PAX3: variants seen among roughly 807,000 people sequenced by gnomAD.
PAX3 encodes the protein paired box 3.
A neutral mutation model predicts 51.6 loss-of-function variants in PAX3; 14 were observed. That is an observed-to-expected ratio of 0.27 (90% CI 0.18 to 0.42). PAX3 has a LOEUF of 0.42. Among genes scored for constraint, PAX3 ranks in the 10% least tolerant of loss-of-function variants. PAX3 has a pLI of 1.00. For synonymous variants in PAX3, 280 were observed against 253.4 expected, an observed-to-expected ratio of 1.11 and a Z score of -1.00; for missense variants, 540 against 642.8, an observed-to-expected ratio of 0.84 and a Z score of 1.73.
At chr2:222,268,866 T>G (rs1694150436) in intron 4 of PAX3, among the ~76,000 whole-genome samples, 1 of 152,092 alleles carries the variant, frequency 6.6e-6, no homozygotes, top group African/African-American at 2.4e-5. Context: ...TCAGACGTTT[T>G]ACTAGGAACC....
chr2:222,287,661 C>T (rs1165368885), intron 4 of PAX3: 1 of 152,206 alleles, frequency 6.6e-6, no homozygotes, highest in Non-Finnish European at 1.5e-5. Context: ...TCTGAGCTAA[C>T]TGTAACTTCT....
At chr2:222,266,709 T>A (rs953798478) in intron 4 of PAX3, among the ~76,000 whole-genome samples, 6 of 152,226 alleles carry the variant, frequency 3.9e-5, no homozygotes, top group South Asian at 2.1e-4. Context: ...TGAAGGGGAA[T>A]GCCTGTCAGA....
In PAX3 at chr2:222,243,460, A is replaced by G. The variant is rs560593783; in HGVS notation, c.587-11177T>C. On this transcript the variant is annotated intron_variant, in intron 4 of 8. Coordinates refer to ENST00000392070, the MANE Select transcript of PAX3 (RefSeq NM_181458.4). The stretch of plus-strand genomic sequence containing the variant: ...CAAATATGAATAATATATGGAGCCT[A>G]AACTCAAAAAGTAAAACTCTCATTC... 3.3e-5 allele frequency among the ~76,000 whole-genome samples: 5 copies of G among 152,344 alleles called. No individual in the cohort carries two copies. The East Asian group carries it at 9.6e-4, about 29-fold the overall frequency.
chr2:222,293,863 A>G (rs1695140875), intron 4 of PAX3: 19 of 1,611,444 alleles, frequency 1.2e-5, no homozygotes, highest in Non-Finnish European at 1.6e-5. Flanking sequence ...ATGGCAACAG[A>G]GTGAGAGCTT....
chr2:222,239,538 CAG>C (rs537328703), intron 4 of PAX3, among the ~76,000 whole-genome samples: 9 of 151,790 alleles, frequency 5.9e-5, no homozygotes, highest in African/African-American at 2.2e-4. Context: ...GGAAAAAAAA[CAG>C]AGATTTAAAA....
At chr2:222,241,162 A>C (rs973059020) in intron 4 of PAX3, among the ~76,000 whole-genome samples, 16 of 152,206 alleles carry the variant, frequency 1.1e-4, no homozygotes, top group African/African-American at 3.9e-4. Flanking sequence ...CAAGGGGCGC[A>C]GAAAGGTAAT....
intron 5 of PAX3, among the ~76,000 whole-genome samples, chr2:222,228,278 C>G (rs906612004): frequency 2.6e-5 from 4 of 152,168 alleles, no homozygotes; most frequent in African/African-American, 9.6e-5. Context: ...TCAAGAGTCA[C>G]CGGGTTAAAG....
In PAX3 at chr2:222,202,052, T is replaced by G; in HGVS notation, c.1312A>C (p.Ser438Arg). 6.2e-7 allele frequency: 1 copy of G among 1,614,026 alleles called. No homozygotes were observed. The highest frequency in any genetic ancestry group is 2.2e-5 in the East Asian group (1 of 44,846). ...SCSQRLDHMK[S>R]LDSLPTSQSY... ...TGAGATGTTGGCAGACTGTCCAAGC[T>G]CTTCATATGGTCTAGTCTCTGACTG... Residue 438 changes from serine (S) to arginine (R), a missense_variant, in exon 8 of 9, where the codon AGC (serine) becomes CGC (arginine). This residue lies in a region of PAX3 where 427 missense variants were observed against 483.6 expected (regional missense o/e 0.88). Transcript: ENST00000392070.
intron 4 of PAX3, 57 bp from the exon 5 acceptor site, chr2:222,232,340 G>T: frequency 2.0e-6 from 3 of 1,484,246 alleles, no homozygotes; most frequent in Non-Finnish European, 2.8e-6. Context: ...ATAAAACTGA[G>T]ATTGAATCCA....
intron 4 of PAX3, among the ~76,000 whole-genome samples, chr2:222,253,428 T>C (rs1693513638): frequency 6.6e-6 from 1 of 152,182 alleles, no homozygotes. Flanking sequence ...AGAGTATGAC[T>C]TAGCATCCAA....
chr2:222,220,100 G>A lies in PAX3; in HGVS notation c.1173+40C>T, dbSNP rs150637194. 2,360 of 1,536,516 alleles carry A rather than the reference G, an allele frequency of 1.5e-3. 5 individuals carry two copies. Among genetic ancestry groups the A allele is most frequent in the Non-Finnish European group, 1.9e-3 (2,076 of 1,111,618 alleles). On this transcript the variant is annotated intron_variant, in intron 7 of 8. Transcript: ENST00000392070. ...CTCAGGGAATTGAATATTTGGTTCT[G>A]GTATACAGCAAATCGTCTGTCTAGA...
intron 7 of PAX3, among the ~76,000 whole-genome samples, chr2:222,209,766 C>A (rs1055257433): frequency 1.4e-5 from 2 of 142,556 alleles, no homozygotes; most frequent in Admixed American, 7.2e-5. Context: ...GTGGCATGCA[C>A]CTTTAGTCCC....
At chr2:222,243,983 G>T (rs571908721) in intron 4 of PAX3, among the ~76,000 whole-genome samples, 5 of 152,138 alleles carry the variant, frequency 3.3e-5, no homozygotes, top group African/African-American at 1.2e-4. Context: ...TTCCCTAGAG[G>T]CCGTGAAGAG....
At chr2:222,201,694 G>A in intron 8 of PAX3, 8 of 1,447,250 alleles carry the variant, frequency 5.5e-6, no homozygotes, top group Non-Finnish European at 7.3e-6. Context: ...GCCAACCCTT[G>A]TGTTTTACCT....
At chr2:222,264,799 C>T (rs1693985308) in intron 4 of PAX3, 1 of 152,206 alleles carries the variant, frequency 6.6e-6, no homozygotes, top group African/African-American at 2.4e-5. Context: ...CAGCTTTTGC[C>T]TTTGAAGACT....
intron 4 of PAX3, among the ~76,000 whole-genome samples, chr2:222,234,388 A>T (rs16863541): frequency 6.6e-6 from 1 of 152,214 alleles, no homozygotes; most frequent in African/African-American, 2.4e-5. Context: ...TTTAAAGGAC[A>T]ATTAACATGC....
At chr2:222,285,093 A>T (rs1694786976) in intron 4 of PAX3, among the ~76,000 whole-genome samples, 1 of 152,226 alleles carries the variant, frequency 6.6e-6, no homozygotes. Context: ...CCAAGTGGGG[A>T]TTCATAAAGA....
intron 4 of PAX3, among the ~76,000 whole-genome samples, chr2:222,251,436 A>G (rs1471489969): frequency 6.6e-6 from 1 of 152,154 alleles, no homozygotes; most frequent in Non-Finnish European, 1.5e-5. Context: ...ACATGAACTC[A>G]TCCTTTTTTA....
At position 222,258,301 on chromosome 2, in the gene PAX3, C is replaced by T. The variant is rs561770368; in HGVS notation, c.587-26018G>A. On this transcript the variant is annotated intron_variant, in intron 4 of 8. Transcript: ENST00000392070. Reference sequence around the variant, plus strand: ...TAATAATATTTACCTCATAGCATTTCTGTGAGGATCAAGTTAGGTAATGTG... The same window carrying T: ...TAATAATATTTACCTCATAGCATTTTTGTGAGGATCAAGTTAGGTAATGTG... Among the ~76,000 whole-genome samples, 4 of 152,220 alleles carry T rather than the reference C, an allele frequency of 2.6e-5. No individual in the cohort carries two copies. The East Asian group carries it at 7.7e-4, about 29-fold the overall frequency.
Sources: gnomAD v4.1 joint callset for allele counts (sites outside exome capture counted in the v4.1 genomes callset) on GRCh38, gnomAD v4.1.1 for gene constraint, gnomAD v4.1.1 regional missense constraint, MANE v1.5 for transcripts, NCBI Gene and HGNC (gene_info 2026-07-23, HGNC 2026-07-21) for gene names.